FZD4: variants seen among roughly 807,000 people sequenced by gnomAD.
FZD4 encodes the protein frizzled-4.
Under a neutral mutation model 37.3 loss-of-function variants are expected in FZD4, and 16 were observed. That is an observed-to-expected ratio of 0.43 (90% confidence interval 0.29 to 0.65). The LOEUF (loss-of-function observed/expected upper bound fraction) is 0.65, where lower values mean the gene tolerates loss of function less well. Among genes scored for constraint, FZD4 ranks in the 30% least tolerant of loss-of-function variants. The pLI, the probability that FZD4 is intolerant of heterozygous loss-of-function variation, is 0.16. For missense variants in FZD4, 599 were observed against 674.3 expected (o/e 0.89, Z 1.24); for synonymous variants, 246 against 254.8 (o/e 0.97, Z 0.33).
Position 86,947,466 on chromosome 11 carries a change from A to G in FZD4, c.*3676T>C, listed in dbSNP as rs1289882909. The G allele has an allele frequency of 1.3e-5, 2 of 152,358 alleles. No individual in the cohort carries two copies. The highest frequency in any genetic ancestry group is 2.9e-5 in the Non-Finnish European group (2 of 68,152). The allele number at this position is 152,358 out of a possible 1,614,324, so 9.4% of individuals were successfully genotyped here. ...ATGAGGATGAGGGGAGCCAGAGAGT[A>G]TAGAGCTAAAAGGTGCTGAACAGAA... On this transcript the variant is annotated 3_prime_UTR_variant, in exon 2 of 2. Coordinates refer to ENST00000531380, the MANE Select transcript of FZD4 (RefSeq NM_012193.4).
rs901043201 is a variant in FZD4, at chr11:86,947,691, AGAG to A, written c.*3448_*3450del. On this transcript the variant is annotated 3_prime_UTR_variant, in exon 2 of 2. Transcript: ENST00000531380. ...CAGGAAATGGGTCTCCATAAAGGAA[AGAG>A]GATATGAATCAACCAAGTAGCTCAA... The A allele has an allele frequency of 9.9e-5, 15 of 152,278 alleles. No individual in the cohort carries two copies. The highest frequency in any genetic ancestry group is 3.6e-4 in the African/African-American group (15 of 41,446). 9.4% of individuals were successfully genotyped at this position (152,278 alleles called of 1,614,324 possible). A position where few individuals can be genotyped will look rare whatever the true frequency, so the allele number is the denominator to read the frequency against.
Position 86,952,105 on chromosome 11 carries a change from C to T in FZD4, c.651G>A (p.Glu217=). Residue 217 remains glutamate (E), a synonymous_variant, in exon 2 of 2, where the codon GAG becomes GAA. Transcript: ENST00000531380. ...ACACAGCCATCCAGATATCAGTGAA[C>T]TCCTTGGCTGAGCGGCTGTATAAGC... is the stretch of plus-strand genomic sequence containing the variant. ...DAGLYSRSAK[E]FTDIWMAVWA... The T allele has an allele frequency of 6.2e-7, 1 of 1,614,056 alleles. No individual in the cohort carries two copies. The highest frequency in any genetic ancestry group is 8.5e-7 in the Non-Finnish European group (1 of 1,179,964).
chr11:86,950,150 A>G lies in FZD4; in HGVS notation c.*992T>C, dbSNP rs80075834. On this transcript the variant is annotated 3_prime_UTR_variant, in exon 2 of 2. Coordinates refer to ENST00000531380, the MANE Select transcript of FZD4 (RefSeq NM_012193.4). The stretch of plus-strand genomic sequence containing the variant: ...TTACACAGCTAATCTGTGTGAATGC[A>G]AAGTTGCCAAGAAACTTAACATTTC... 2 of 152,776 alleles carry G rather than the reference A, an allele frequency of 1.3e-5. No homozygotes were observed. Among genetic ancestry groups the G allele is most frequent in the African/African-American group, 4.8e-5 (2 of 41,580 alleles). 9.5% of individuals were successfully genotyped at this position (152,776 alleles called of 1,614,324 possible).
At position 86,954,991 on chromosome 11, in the gene FZD4, C is replaced by A. The variant is rs1395746787; in HGVS notation, c.95G>T (p.Gly32Val). The A allele has an allele frequency of 6.2e-7, 1 of 1,612,790 alleles. No individual in the cohort carries two copies. The highest frequency in any genetic ancestry group is 2.2e-5 in the East Asian group (1 of 44,844). Residue 32 changes from glycine to valine, a missense_variant, in exon 1 of 2, where the codon GGG (glycine) becomes GTG (valine). Gly to Val is a moderately radical substitution (Grantham distance 109, BLOSUM62 -3). This residue lies in a region of FZD4 where 357 missense variants were observed against 396.1 expected (regional missense o/e 0.90). Coordinates refer to ENST00000531380, the MANE Select transcript of FZD4 (RefSeq NM_012193.4). Reference protein sequence around the residue: ...GLLLQLLLLLGPARGFGDEEE... With the variant: ...GLLLQLLLLLVPARGFGDEEE... ...CTCGTCCCCGAAGCCCCGCGCCGGC[C>A]CCAGGAGCAGCAGCAACTGCAGGAG... is the stretch of plus-strand genomic sequence containing the variant.
rs752836331 is a variant in FZD4, at chr11:86,951,853, T to A, written c.903A>T (p.Gly301=). ...ACATCAGCAAGAAAATTATTGCACA[T>A]CCTGTGTTCTTAAGTCCTTCTTGGA... is the stretch of plus-strand genomic sequence containing the variant. ...VLIQEGLKNT[G]CAIIFLLMYF... The change falls in exon 2 of 2, where the codon GGA becomes GGT. Residue 301 remains glycine (G), a synonymous_variant. Coordinates refer to ENST00000531380, the MANE Select transcript of FZD4 (RefSeq NM_012193.4). The A allele has an allele frequency of 6.2e-6, 10 of 1,613,624 alleles. No individual in the cohort carries two copies. In the East Asian group the frequency reaches 1.6e-4, roughly 25 times the overall value.
At position 86,949,985 on chromosome 11, in the gene FZD4, T is replaced by C. The variant is rs1949276062; in HGVS notation, c.*1157A>G. On this transcript the variant is annotated 3_prime_UTR_variant, in exon 2 of 2. Transcript: ENST00000531380. The stretch of plus-strand genomic sequence containing the variant: ...AGACCAGATTCTGATAACATTCTTA[T>C]GCTTTAAAAAATAAAAAAATTTTTA... 6.6e-6 allele frequency: 1 copy of C among 152,350 alleles called. No homozygotes were observed. The highest frequency in any genetic ancestry group is 2.1e-4 in the South Asian group (1 of 4,832). 9.4% of individuals were successfully genotyped at this position (152,350 alleles called of 1,614,324 possible).
rs992820207 is a variant in FZD4, at chr11:86,955,160, G to A, written c.-75C>T. ...CACCCCCAGTTTGCACGGGGGCGCC[G>A]GCTGCCCGCGCTGCTCCCAGCTCCC... On this transcript the variant is annotated 5_prime_UTR_variant, in exon 1 of 2. Coordinates refer to ENST00000531380, the MANE Select transcript of FZD4 (RefSeq NM_012193.4). The A allele has an allele frequency of 3.4e-6, 4 of 1,180,530 alleles. No individual in the cohort carries two copies. Among genetic ancestry groups the A allele is most frequent in the Non-Finnish European group, 4.5e-6 (4 of 894,642 alleles). 73.1% of individuals were successfully genotyped at this position (1,180,530 alleles called of 1,614,324 possible).
At chr11:86,954,655 A>G in intron 1 of FZD4, 146 bp downstream of exon 1, 1 of 1,436,238 alleles carries the variant, frequency 7.0e-7, no homozygotes, top group East Asian at 2.5e-5. Context: ...AGTCCCTGAG[A>G]AAGTGGGGGT....
At position 86,951,057 on chromosome 11, in the gene FZD4, A is replaced by T; in HGVS notation, c.*85T>A. ...TGCTAGTTTGTTCAAACTGAGATTCACTGCATAAAACTTTTAGTAGAATTT... is the reference window on the plus strand; with the variant it reads ...TGCTAGTTTGTTCAAACTGAGATTCTCTGCATAAAACTTTTAGTAGAATTT... On this transcript the variant is annotated 3_prime_UTR_variant, in exon 2 of 2. Transcript: ENST00000531380. 2.1e-6 allele frequency: 3 copies of T among 1,403,170 alleles called. No homozygotes were observed. Among genetic ancestry groups the T allele is most frequent in the South Asian group, 2.3e-5 (2 of 86,344 alleles). 86.9% of individuals were successfully genotyped at this position (1,403,170 alleles called of 1,614,324 possible).
In FZD4 at chr11:86,955,164, G is replaced by A. The variant is rs1949326224; in HGVS notation, c.-79C>T. 5 of 1,138,054 alleles carry A rather than the reference G, an allele frequency of 4.4e-6. No individual in the cohort carries two copies. Among genetic ancestry groups the A allele is most frequent in the Non-Finnish European group, 5.8e-6 (5 of 856,100 alleles). The allele number at this position is 1,138,054 out of a possible 1,614,324, so 70.5% of individuals were successfully genotyped here. On this transcript the variant is annotated 5_prime_UTR_variant, in exon 1 of 2. Coordinates refer to ENST00000531380, the MANE Select transcript of FZD4 (RefSeq NM_012193.4). ...CCCAGTTTGCACGGGGGCGCCGGCT[G>A]CCCGCGCTGCTCCCAGCTCCCGGGA...
In FZD4 at chr11:86,946,959, A is replaced by G. The variant is rs1267088121; in HGVS notation, c.*4183T>C. On this transcript the variant is annotated 3_prime_UTR_variant, in exon 2 of 2. Coordinates refer to ENST00000531380, the MANE Select transcript of FZD4 (RefSeq NM_012193.4). Reference sequence around the variant, plus strand: ...GGTGGCTCACACTTGTAATCCCAGCACTTTGGGAGGCTGAGGCGGGCAGAT... The same window carrying G: ...GGTGGCTCACACTTGTAATCCCAGCGCTTTGGGAGGCTGAGGCGGGCAGAT... 6.6e-6 allele frequency: 1 copy of G among 152,330 alleles called. No homozygotes were observed. Among genetic ancestry groups the G allele is most frequent in the Non-Finnish European group, 1.5e-5 (1 of 68,222 alleles). 9.4% of individuals were successfully genotyped at this position (152,330 alleles called of 1,614,324 possible).
intron 1 of FZD4, among the ~76,000 whole-genome samples, chr11:86,953,306 A>G (rs2135043230): frequency 6.6e-6 from 1 of 152,330 alleles, no homozygotes; most frequent in East Asian, 1.9e-4. Context: ...CGCTTTCCCC[A>G]GGATACATGT....
At chr11:86,954,247 G>A (rs1205764450) in intron 1 of FZD4, 1 of 984,728 alleles carries the variant, frequency 1.0e-6, no homozygotes, top group Non-Finnish European at 1.2e-6. Context: ...AGCATTAAAC[G>A]TGCCTTCAAC....
rs759211275 is a variant in FZD4, at chr11:86,948,992, T to G, written c.*2150A>C. 6.6e-6 allele frequency: 1 copy of G among 152,612 alleles called. No individual in the cohort carries two copies. The highest frequency in any genetic ancestry group is 1.5e-5 in the Non-Finnish European group (1 of 68,050). 9.5% of individuals were successfully genotyped at this position (152,612 alleles called of 1,614,324 possible). On this transcript the variant is annotated 3_prime_UTR_variant, in exon 2 of 2. Coordinates refer to ENST00000531380, the MANE Select transcript of FZD4 (RefSeq NM_012193.4). ...CAGGGCCGTGGACAGTTATGGGAAC[T>G]GTCTACAAGCAGCACAGGGAGTTCA...
Position 86,947,238 on chromosome 11 carries a change from A to AAC in FZD4, c.*3903_*3904insGT. 1.2e-5 allele frequency: 2 copies of AAC among 168,800 alleles called. No individual in the cohort carries two copies. The highest frequency in any genetic ancestry group is 5.8e-5 in the Admixed American group (1 of 17,116). The allele number at this position is 168,800 out of a possible 1,614,324, so 10.5% of individuals were successfully genotyped here. ...ACAAACAAACAAACAAACAAACAAC[A>AAC]AAAAAAAGGTTCCTTCCAAAGTCTG... On this transcript the variant is annotated 3_prime_UTR_variant, in exon 2 of 2. Coordinates refer to ENST00000531380, the MANE Select transcript of FZD4 (RefSeq NM_012193.4).
At chr11:86,954,101 C>T (rs1949316670) in intron 1 of FZD4, 1 of 264,638 alleles carries the variant, frequency 3.8e-6, no homozygotes, top group Non-Finnish European at 5.9e-6. Context: ...TTATAATCAC[C>T]CTGTATATGC....
chr11:86,951,399 C>T lies in FZD4; in HGVS notation c.1357G>A (p.Ala453Thr). Residue 453 changes from alanine (A) to threonine (T), a missense_variant, in exon 2 of 2, where the codon GCC becomes ACC. This residue lies in a region of FZD4 where 203 missense variants were observed against 196.8 expected (regional missense o/e 1.03). Transcript: ENST00000531380. Reference sequence around the variant, plus strand: ...TTGGAGATTTCATAAAAATAACAGGCAATCACACACGTTGCAGGAACTGTG... The same window carrying T: ...TTGGAGATTTCATAAAAATAACAGGTAATCACACACGTTGCAGGAACTGTG... Reference protein sequence around the residue: ...LYTVPATCVIACYFYEISNWA... With the variant: ...LYTVPATCVITCYFYEISNWA... The T allele has an allele frequency of 6.2e-7, 1 of 1,613,808 alleles. No individual in the cohort carries two copies. The highest frequency in any genetic ancestry group is 8.5e-7 in the Non-Finnish European group (1 of 1,179,674).
At position 86,952,049 on chromosome 11, in the gene FZD4, AAGGCAGTGGAGATGAAACAC is replaced by A; in HGVS notation, c.687_706del (p.Cys230HisfsTer11). 1 of 1,614,104 alleles carries A rather than the reference AAGGCAGTGGAGATGAAACAC, an allele frequency of 6.2e-7. No homozygotes were observed. The highest frequency in any genetic ancestry group is 1.3e-5 in the African/African-American group (1 of 75,040). On this transcript the variant is annotated frameshift_variant, in exon 2 of 2. Coordinates refer to ENST00000531380, the MANE Select transcript of FZD4 (RefSeq NM_012193.4). LOFTEE classifies it high-confidence loss of function. ...ATCGATCAGGAAGGTCAGTACTGTG[AAGGCAGTGGAGATGAAACAC>A]AGGCTGGCCCACACAGCCATCCAGA...
intron 1 of FZD4, among the ~76,000 whole-genome samples, chr11:86,953,234 T>C (rs1949309456): frequency 6.6e-6 from 1 of 152,116 alleles, no homozygotes; most frequent in South Asian, 2.1e-4. Flanking sequence ...AAGTCTAGAG[T>C]TACAAGTAAC....
Sources: allele counts gnomAD v4.1 joint callset (sites outside exome capture counted in the v4.1 genomes callset), GRCh38; gene constraint gnomAD v4.1.1; regional missense constraint gnomAD v4.1.1; transcripts MANE v1.5; gene names NCBI Gene and HGNC (gene_info 2026-07-23, HGNC 2026-07-21).